ACP3: variants seen among roughly 807,000 people sequenced by gnomAD.
The protein encoded by ACP3 is acid phosphatase 3.
A neutral mutation model predicts 45.6 loss-of-function variants in ACP3; 38 were observed. The ratio of observed to expected loss-of-function variants is 0.83; its 90% CI spans 0.64 to 1.09. ACP3 has a LOEUF of 1.09. Among genes scored for constraint, ACP3 ranks in the 50% least tolerant of loss-of-function variants. The probability of loss-of-function intolerance (pLI) is 0.00; values close to 1 mark genes in which losing one functional copy is unlikely to be tolerated. For missense variants in ACP3, 466 were observed against 463.2 expected, an observed-to-expected ratio of 1.01 and a Z score of -0.05; for synonymous variants, 162 against 164.7, an observed-to-expected ratio of 0.98 and a Z score of 0.13.
At chr3:132,323,908 G>A (rs1937249730) in intron 1 of ACP3, among the ~76,000 whole-genome samples, 1 of 152,162 alleles carries the variant, frequency 6.6e-6, no homozygotes, top group Non-Finnish European at 1.5e-5. Context: ...AGACAGTGGT[G>A]GGCTCATGAT....
chr3:132,358,409 A>G lies in ACP3; in HGVS notation c.*1531A>G. The G allele has an allele frequency of 1.6e-6, 2 of 1,258,896 alleles. No individual in the cohort carries two copies. Among genetic ancestry groups the G allele is most frequent in the Non-Finnish European group, 2.1e-6 (2 of 970,280 alleles). 78.0% of individuals were successfully genotyped at this position (1,258,896 alleles called of 1,614,324 possible). ...CGATATCTTCAGAAAACCTAAGCAA[A>G]CTTACAGGTCCTGCTGAAACTGCCC... is the stretch of plus-strand genomic sequence containing the variant. On this transcript the variant is annotated 3_prime_UTR_variant, in exon 10 of 10. Transcript: ENST00000336375.
At chr3:132,354,266 G>A (rs532544063) in intron 9 of ACP3, among the ~76,000 whole-genome samples, 53 of 152,114 alleles carry the variant, frequency 3.5e-4, no homozygotes, top group Non-Finnish European at 2.5e-4. Flanking sequence ...GACTCTACTC[G>A]TACCTCCCTG....
At chr3:132,344,886 A>G (rs775518172) in intron 6 of ACP3, 41 bp from the exon 7 acceptor site, 1 of 1,606,984 alleles carries the variant, frequency 6.2e-7, no homozygotes, top group East Asian at 2.2e-5. Context: ...GGACAGTCAT[A>G]TAAATACACA....
chr3:132,345,158 T>G, intron 7 of ACP3, 99 bp downstream of exon 7: 2 of 1,135,936 alleles, frequency 1.8e-6, no homozygotes, highest in Non-Finnish European at 2.5e-6. Flanking sequence ...TCTCAGACAG[T>G]TCACTTAATC....
At chr3:132,351,674 G>A (rs192988609) in intron 8 of ACP3, among the ~76,000 whole-genome samples, 9 of 151,914 alleles carry the variant, frequency 5.9e-5, no homozygotes, top group Admixed American at 1.3e-4. Context: ...CTGATTTCTA[G>A]TTTTAACTTG....
At chr3:132,353,806 T>G (rs929847689) in intron 9 of ACP3, among the ~76,000 whole-genome samples, 1 of 152,238 alleles carries the variant, frequency 6.6e-6, no homozygotes, top group East Asian at 1.9e-4. Context: ...TTGCAAATTT[T>G]GTAGTCTTGG....
At chr3:132,335,743 C>T (rs894699910) in intron 4 of ACP3, among the ~76,000 whole-genome samples, 5 of 151,988 alleles carry the variant, frequency 3.3e-5, no homozygotes, top group African/African-American at 9.7e-5. Context: ...CAGTGCCTTC[C>T]GGGACAGCAA....
rs755850776 is a variant in ACP3, at chr3:132,342,614, G to A, written c.618G>A (p.Trp206Ter). The A allele has an allele frequency of 3.0e-5, 48 of 1,609,154 alleles. No homozygotes were observed. Among genetic ancestry groups the A allele is most frequent in the South Asian group, 5.5e-5 (5 of 90,574 alleles). Residue 206 changes from tryptophan to a stop codon, truncating the protein, a stop_gained, in exon 6 of 10, where the codon TGG (tryptophan) becomes TGA (stop). Transcript: ENST00000336375. LOFTEE classifies it high-confidence loss of function. ...ATGGCCAGGACCTTTTTGGAATTTG[G>A]AGTAAAGTCTACGACCCTTTATATT... Reference protein sequence around the residue: ...GLHGQDLFGIWSKVYDPLYCE... With the variant: ...GLHGQDLFGI
chr3:132,348,974 A>T (rs1260921807), intron 7 of ACP3, among the ~76,000 whole-genome samples: 2 of 82,372 alleles, frequency 2.4e-5, no homozygotes, highest in Middle Eastern at 9.1e-3. Flanking sequence ...CAATCTGTTA[A>T]TATCAATGCC....
chr3:132,318,959 A>G (rs1048471743), intron 1 of ACP3, among the ~76,000 whole-genome samples: 22 of 152,218 alleles, frequency 1.4e-4, no homozygotes, highest in Non-Finnish European at 2.5e-4. Context: ...AAGTTAGCCC[A>G]GGCTAACTTC....
At chr3:132,345,491 G>A (rs1367617339) in intron 7 of ACP3, among the ~76,000 whole-genome samples, 3 of 152,170 alleles carry the variant, frequency 2.0e-5, no homozygotes, top group Admixed American at 6.5e-5. Context: ...TCAAGTGGGA[G>A]GTATGACAAA....
chr3:132,348,567 A>G (rs182588956), intron 7 of ACP3, among the ~76,000 whole-genome samples: 7 of 152,292 alleles, frequency 4.6e-5, no homozygotes, highest in Admixed American at 4.6e-4. Context: ...ACTTGTTGAC[A>G]AAGGGCAACT....
At chr3:132,331,788 T>C in intron 3 of ACP3, 55 bp downstream of exon 3, 1 of 1,416,500 alleles carries the variant, frequency 7.1e-7, no homozygotes, top group Non-Finnish European at 9.8e-7. Context: ...TTAAAATAAT[T>C]CTGCATATAT....
At chr3:132,318,924 G>A (rs950035842) in intron 1 of ACP3, among the ~76,000 whole-genome samples, 3 of 152,160 alleles carry the variant, frequency 2.0e-5, no homozygotes, top group Admixed American at 6.6e-5. Flanking sequence ...TGTACATGAT[G>A]TATTCCCTCC....
chr3:132,327,503 G>A (rs1336643773), intron 1 of ACP3, among the ~76,000 whole-genome samples: 2 of 147,016 alleles, frequency 1.4e-5, no homozygotes, highest in Non-Finnish European at 3.0e-5. Context: ...GACAGAGCAA[G>A]ACTCAGTCTC....
intron 10 of ACP3, among the ~76,000 whole-genome samples, chr3:132,367,206 A>G (rs114846776): frequency 0.027 from 4,132 of 152,340 alleles, 102 homozygotes; most frequent in Non-Finnish European, 0.03. Context: ...AAAGGTACAT[A>G]TTAGAAATAG....
chr3:132,332,583 T>C (rs1937420313), intron 4 of ACP3: 2 of 467,796 alleles, frequency 4.3e-6, no homozygotes, highest in African/African-American at 3.9e-5. Context: ...CTTGCAACTC[T>C]TGGCAATTTG....
chr3:132,362,693 G>A (rs1375814951), downstream of ACP3, among the ~76,000 whole-genome samples: 1 of 152,240 alleles, frequency 6.6e-6, no homozygotes, highest in East Asian at 1.9e-4. Flanking sequence ...ACCTGAAGGA[G>A]AAATGGTACT....
At chr3:132,361,037 A>G (rs1394904475), downstream of ACP3, among the ~76,000 whole-genome samples, 2 of 152,224 alleles carry the variant, frequency 1.3e-5, no homozygotes, top group Admixed American at 6.5e-5. Flanking sequence ...GAGCCTCAAA[A>G]GTGATTATAC....
Sources: gnomAD v4.1 joint callset for allele counts (sites outside exome capture counted in the v4.1 genomes callset) on GRCh38, gnomAD v4.1.1 for gene constraint, MANE v1.5 for transcripts, NCBI Gene and HGNC (gene_info 2026-07-23, HGNC 2026-07-21) for gene names.